The following SIPA1L2 variants were observed in gnomAD, a reference collection of about 807,000 sequenced individuals.
SIPA1L2 encodes the protein signal induced proliferation associated 1 like 2.
A neutral mutation model predicts 163.9 loss-of-function variants in SIPA1L2; 56 were observed. The observed-to-expected ratio is 0.34, with a 90% CI of 0.28 to 0.43. The LOEUF is 0.43. Among genes scored for constraint, SIPA1L2 ranks in the 20% least tolerant of loss-of-function variants. The pLI is 1.00. For synonymous variants in SIPA1L2, 877 were observed against 865.7 expected (o/e 1.01, Z -0.23); for missense variants, 1,974 against 2,193.5 (o/e 0.90, Z 2.00).
At chr1:232,571,484 T>G (rs1017285558) in intron 2 of SIPA1L2, among the ~76,000 whole-genome samples, 2 of 152,276 alleles carry the variant, frequency 1.3e-5, no homozygotes, top group Admixed American at 1.3e-4. Context: ...CTGTGTTACC[T>G]GAAATTAATA....
intron 3 of SIPA1L2, among the ~76,000 whole-genome samples, chr1:232,503,101 A>T (rs1363726846): frequency 6.6e-6 from 1 of 152,200 alleles, no homozygotes; most frequent in Non-Finnish European, 1.5e-5. Context: ...CGGGCAGAAG[A>T]TTTCCATAAA....
chr1:232,526,875 C>T (rs1406422834), intron 2 of SIPA1L2, among the ~76,000 whole-genome samples: 1 of 152,190 alleles, frequency 6.6e-6, no homozygotes, highest in Non-Finnish European at 1.5e-5. Flanking sequence ...CCCAAGGACT[C>T]TTCCCTCCCA....
chr1:232,622,223 A>G (rs1662846318), intron 1 of SIPA1L2, among the ~76,000 whole-genome samples: 1 of 152,236 alleles, frequency 6.6e-6, no homozygotes, highest in Non-Finnish European at 1.5e-5. Flanking sequence ...GTCATATTAT[A>G]AGAACTAGCA....
chr1:232,446,520 T>C (rs1204760466), intron 10 of SIPA1L2, among the ~76,000 whole-genome samples: 3 of 152,250 alleles, frequency 2.0e-5, no homozygotes, highest in Non-Finnish European at 4.4e-5. Flanking sequence ...AATAAACTTG[T>C]AGAAAAAATC....
intron 2 of SIPA1L2, among the ~76,000 whole-genome samples, chr1:232,537,732 C>A (rs1210412694): frequency 6.6e-6 from 1 of 152,174 alleles, no homozygotes; most frequent in African/African-American, 2.4e-5. Context: ...CCTCGATTCT[C>A]TCATCTGTAA....
At chr1:232,562,082 G>A (rs1443162295) in intron 2 of SIPA1L2, among the ~76,000 whole-genome samples, 1 of 152,156 alleles carries the variant, frequency 6.6e-6, no homozygotes, top group African/African-American at 2.4e-5. Flanking sequence ...GAGTTTTGGA[G>A]GGCAGAGGAC....
At position 232,623,015 on chromosome 1, in the gene SIPA1L2, T is replaced by C. The variant is rs563320247; in HGVS notation, c.-319+6854A>G. Among the ~76,000 whole-genome samples, 474 of 152,324 alleles carry C rather than the reference T, an allele frequency of 3.1e-3. 1 individual carries two copies. Among genetic ancestry groups the C allele is most frequent in the Middle Eastern group, 0.01 (3 of 294 alleles). The stretch of plus-strand genomic sequence containing the variant: ...GCAGTAAACCAGAAATGTCCCTGCC[T>C]GTTTGCTGCTTATGTTCCATTATTA... On this transcript the variant is annotated intron_variant, in intron 1 of 22. Coordinates refer to ENST00000674635, the MANE Select transcript of SIPA1L2 (RefSeq NM_020808.5).
At chr1:232,410,647 GA>G (rs1364543212) in intron 19 of SIPA1L2, among the ~76,000 whole-genome samples, 2 of 152,036 alleles carry the variant, frequency 1.3e-5, no homozygotes, top group Non-Finnish European at 2.9e-5. Context: ...GGTATTTGGG[GA>G]TATTCCTGGG....
At chr1:232,548,128 G>A (rs1658149862) in intron 2 of SIPA1L2, among the ~76,000 whole-genome samples, 1 of 152,202 alleles carries the variant, frequency 6.6e-6, no homozygotes, top group Non-Finnish European at 1.5e-5. Flanking sequence ...CTTCTACAGA[G>A]TAATTACTTG....
At chr1:232,550,893 TA>T (rs1658340481) in intron 2 of SIPA1L2, among the ~76,000 whole-genome samples, 1 of 152,196 alleles carries the variant, frequency 6.6e-6, no homozygotes, top group South Asian at 2.1e-4. Context: ...GAGGTATTGC[TA>T]AGTCAACTCA....
At chr1:232,619,329 G>A (rs1202572367) in intron 1 of SIPA1L2, among the ~76,000 whole-genome samples, 1 of 152,228 alleles carries the variant, frequency 6.6e-6, no homozygotes, top group African/African-American at 2.4e-5. Context: ...GAAAGAAGCT[G>A]TAGCGCCCAT....
Position 232,464,562 on chromosome 1 carries a change from T to C in SIPA1L2, c.2820+278A>G, listed in dbSNP as rs910524489. Among the ~76,000 whole-genome samples, 4 of 152,218 alleles carry C rather than the reference T, an allele frequency of 2.6e-5. No homozygotes were observed. In the South Asian group the frequency reaches 6.2e-4, roughly 24 times the overall value. On this transcript the variant is annotated intron_variant, in intron 9 of 22. Coordinates refer to ENST00000674635, the MANE Select transcript of SIPA1L2 (RefSeq NM_020808.5). ...ACATTCTACCCAGACACTTCTGTTT[T>C]TCCTTCAAATGCTACTAAAATACAT...
In SIPA1L2 at chr1:232,398,802, C is replaced by G. The variant is rs1660164665; in HGVS notation, c.*325G>C. 8.9e-6 allele frequency: 2 copies of G among 224,994 alleles called. No homozygotes were observed. Among genetic ancestry groups the G allele is most frequent in the Non-Finnish European group, 1.8e-5 (2 of 114,156 alleles). 13.9% of individuals were successfully genotyped at this position (224,994 alleles called of 1,614,324 possible). ...CACCTGATATACAGGAAATAAAACT[C>G]AACTATCTTCCCTCTTGAGGTAAGC... On this transcript the variant is annotated 3_prime_UTR_variant, in exon 23 of 23. Transcript: ENST00000674635.
At chr1:232,608,060 A>C (rs1000246886) in intron 1 of SIPA1L2, among the ~76,000 whole-genome samples, 3 of 150,826 alleles carry the variant, frequency 2.0e-5, no homozygotes, top group Non-Finnish European at 3.0e-5. Context: ...AAAAAAAAAA[A>C]AAAAAAAAAC....
Position 232,398,970 on chromosome 1 carries a change from T to G in SIPA1L2, c.*157A>C. The stretch of plus-strand genomic sequence containing the variant: ...CTCTGCCGTGGTTACCGAGAAAGAG[T>G]CGAGGCTCCCTATCCTGCTGTGGTG... On this transcript the variant is annotated 3_prime_UTR_variant, in exon 23 of 23. Transcript: ENST00000674635. 1 of 940,516 alleles carries G rather than the reference T, an allele frequency of 1.1e-6. No individual in the cohort carries two copies. The highest frequency in any genetic ancestry group is 1.5e-6 in the Non-Finnish European group (1 of 654,356). The allele number at this position is 940,516 out of a possible 1,614,324, so 58.3% of individuals were successfully genotyped here. A position where few individuals can be genotyped will look rare whatever the true frequency, so the allele number is the denominator to read the frequency against.
At chr1:232,404,239 G>A (rs562368197) in intron 19 of SIPA1L2, 61 bp from the exon 20 acceptor site, 123 of 1,521,254 alleles carry the variant, frequency 8.1e-5, no homozygotes, top group Non-Finnish European at 1.0e-4. Context: ...TGAGAATCTC[G>A]GGGGCCCACA....
intron 9 of SIPA1L2, among the ~76,000 whole-genome samples, chr1:232,463,374 C>T (rs565308233): frequency 1.8e-4 from 27 of 152,344 alleles, no homozygotes; most frequent in Admixed American, 4.6e-4. Context: ...ATTTCTGTTA[C>T]TACCACTCTG....
chr1:232,399,582 C>T (rs1660209396), intron 22 of SIPA1L2, among the ~76,000 whole-genome samples: 1 of 151,952 alleles, frequency 6.6e-6, no homozygotes, highest in African/African-American at 2.4e-5. Context: ...AGGGAGACTA[C>T]AGGGAGGTTA....
intron 18 of SIPA1L2, among the ~76,000 whole-genome samples, chr1:232,418,131 A>C (rs1318881695): frequency 6.6e-6 from 1 of 152,230 alleles, no homozygotes; most frequent in Non-Finnish European, 1.5e-5. Flanking sequence ...AATCAAGCCT[A>C]ACACACATTC....
Sources: allele counts gnomAD v4.1 joint callset (sites outside exome capture counted in the v4.1 genomes callset), GRCh38; gene constraint gnomAD v4.1.1; transcripts MANE v1.5; gene names NCBI Gene and HGNC (gene_info 2026-07-23, HGNC 2026-07-21).